PDSS2: variants seen among roughly 807,000 people sequenced by gnomAD.
PDSS2 encodes the protein decaprenyl diphosphate synthase subunit 2.
A neutral mutation model predicts 44.5 loss-of-function variants in PDSS2; 31 were observed. The observed-to-expected ratio is 0.70, with a 90% confidence interval of 0.52 to 0.94. The LOEUF is 0.94. Among genes scored for constraint, PDSS2 ranks in the 40% least tolerant of loss-of-function variants. The pLI, the probability that PDSS2 is intolerant of heterozygous loss-of-function variation, is 0.00. For synonymous variants in PDSS2, 157 were observed against 180.3 expected, an observed-to-expected ratio of 0.87 and a Z score of 1.03; for missense variants, 452 against 482.2, an observed-to-expected ratio of 0.94 and a Z score of 0.59.
At chr6:107,209,903 CCT>C (rs1365470247) in intron 6 of PDSS2, among the ~76,000 whole-genome samples, 1 of 152,090 alleles carries the variant, frequency 6.6e-6, no homozygotes, top group Non-Finnish European at 1.5e-5. Flanking sequence ...AAAAAAGTTC[CCT>C]CTCATCTGCC....
At chr6:107,229,491 C>T (rs1241501953) in intron 4 of PDSS2, among the ~76,000 whole-genome samples, 1 of 152,072 alleles carries the variant, frequency 6.6e-6, no homozygotes, top group Non-Finnish European at 1.5e-5. Context: ...CCTCACTTTT[C>T]CTATTTCTAA....
chr6:107,375,137 G>A (rs1240177644), intron 1 of PDSS2, among the ~76,000 whole-genome samples: 1 of 151,626 alleles, frequency 6.6e-6, no homozygotes, highest in Non-Finnish European at 1.5e-5. Context: ...TATTAGAAAA[G>A]AAAGATTTCA....
intron 1 of PDSS2, among the ~76,000 whole-genome samples, chr6:107,388,313 T>C (rs1779672962): frequency 6.6e-6 from 1 of 152,218 alleles, no homozygotes; most frequent in Non-Finnish European, 1.5e-5. Flanking sequence ...AAAATGTTAA[T>C]AGCCACTTCG....
intron 1 of PDSS2, among the ~76,000 whole-genome samples, chr6:107,439,214 G>A (rs1781443937): frequency 2.0e-5 from 3 of 152,130 alleles, no homozygotes; most frequent in Admixed American, 2.0e-4. Context: ...ATGAATACAG[G>A]TATTGAAACA....
intron 1 of PDSS2, among the ~76,000 whole-genome samples, chr6:107,371,894 T>G (rs1456603391): frequency 6.6e-6 from 1 of 152,242 alleles, no homozygotes; most frequent in East Asian, 1.9e-4. Flanking sequence ...CATGTAATCT[T>G]TATAATCACC....
intron 1 of PDSS2, among the ~76,000 whole-genome samples, chr6:107,390,739 A>G (rs1005027462): frequency 6.6e-6 from 1 of 152,176 alleles, no homozygotes; most frequent in African/African-American, 2.4e-5. Flanking sequence ...CAACTTTTCC[A>G]TAAATCTAAC....
rs369984106 is a variant in PDSS2, at chr6:107,225,430, T to G, written c.703-13148A>C. Among the ~76,000 whole-genome samples, 6 of 151,804 alleles carry G rather than the reference T, an allele frequency of 4.0e-5. No individual in the cohort carries two copies. The East Asian group carries it at 7.8e-4, about 20-fold the overall frequency. On this transcript the variant is annotated intron_variant, in intron 4 of 7. Coordinates refer to ENST00000369037, the MANE Select transcript of PDSS2 (RefSeq NM_020381.4). ...CCTCCCAAAGTGCTGAGATTACAAG[T>G]GTGAGCCACCATGCCTGGCCTTCTT... is the stretch of plus-strand genomic sequence containing the variant.
chr6:107,373,695 A>C (rs896322626), intron 1 of PDSS2, among the ~76,000 whole-genome samples: 1 of 152,138 alleles, frequency 6.6e-6, no homozygotes, highest in African/African-American at 2.4e-5. Context: ...ATGTCCCTCT[A>C]CAAGGACCTG....
At chr6:107,414,260 A>G (rs1026121436) in intron 1 of PDSS2, among the ~76,000 whole-genome samples, 4 of 152,236 alleles carry the variant, frequency 2.6e-5, no homozygotes, top group Admixed American at 6.5e-5. Flanking sequence ...ATTTCAGAGT[A>G]TAACTGTACA....
intron 7 of PDSS2, among the ~76,000 whole-genome samples, chr6:107,156,151 A>G (rs185932349): frequency 1.8e-4 from 27 of 150,992 alleles, no homozygotes; most frequent in African/African-American, 6.1e-4. Flanking sequence ...CAGCCTTCCA[A>G]AATGCTAGGA....
At chr6:107,436,344 AATT>A (rs1781349112) in intron 1 of PDSS2, among the ~76,000 whole-genome samples, 1 of 152,190 alleles carries the variant, frequency 6.6e-6, no homozygotes, top group South Asian at 2.1e-4. Context: ...TCTGAATCCA[AATT>A]ATTATCTAAA....
intron 2 of PDSS2, 105 bp from the exon 3 acceptor site, chr6:107,274,332 C>CTTT: frequency 1.4e-6 from 1 of 712,916 alleles, no homozygotes; most frequent in Non-Finnish European, 2.3e-6. Flanking sequence ...TTGCCCCCCA[C>CTTT]TTTTTTTTTT....
chr6:107,154,574 C>G lies in PDSS2; in HGVS notation c.*45G>C. 6.3e-7 allele frequency: 1 copy of G among 1,594,812 alleles called. No homozygotes were observed. ...AAGCGCTCCCAATCAACCTCATTCC[C>G]TAGGATTTTCAGCTAACTAACAATA... is the stretch of plus-strand genomic sequence containing the variant. On this transcript the variant is annotated 3_prime_UTR_variant, in exon 8 of 8. Coordinates refer to ENST00000369037, the MANE Select transcript of PDSS2 (RefSeq NM_020381.4).
intron 7 of PDSS2, among the ~76,000 whole-genome samples, chr6:107,162,791 G>C (rs1237031457): frequency 6.6e-6 from 1 of 151,762 alleles, no homozygotes; most frequent in African/African-American, 2.4e-5. Context: ...TTTTAGTAGA[G>C]TTGGGGTTTC....
intron 1 of PDSS2, among the ~76,000 whole-genome samples, chr6:107,419,419 T>C (rs1185779880): frequency 6.6e-6 from 1 of 152,310 alleles, no homozygotes; most frequent in African/African-American, 2.4e-5. Flanking sequence ...TTCAGAGATA[T>C]AGTGCTCCAA....
intron 1 of PDSS2, 103 bp downstream of exon 1, chr6:107,458,887 G>A: frequency 1.0e-6 from 1 of 995,700 alleles, no homozygotes; most frequent in Non-Finnish European, 1.6e-6. Context: ...ACTAAAAAGA[G>A]ATAAATCAGG....
chr6:107,394,482 A>T (rs1468692917), intron 1 of PDSS2, among the ~76,000 whole-genome samples: 1 of 152,122 alleles, frequency 6.6e-6, no homozygotes, highest in African/African-American at 2.4e-5. Flanking sequence ...ACCAGCTCTC[A>T]TAAGAACTCA....
chr6:107,241,502 A>G (rs1045758264), intron 4 of PDSS2, among the ~76,000 whole-genome samples: 5 of 150,754 alleles, frequency 3.3e-5, no homozygotes, highest in Non-Finnish European at 7.4e-5. Flanking sequence ...GCCCACCACC[A>G]CGCCCAGCTA....
intron 4 of PDSS2, among the ~76,000 whole-genome samples, chr6:107,214,820 A>T (rs1773358549): frequency 6.6e-6 from 1 of 152,162 alleles, no homozygotes; most frequent in South Asian, 2.1e-4. Flanking sequence ...GTCTTGCTAT[A>T]TTGCCCAGAC....
Sources: gnomAD v4.1 joint callset for allele counts (sites outside exome capture counted in the v4.1 genomes callset) on GRCh38, gnomAD v4.1.1 for gene constraint, MANE v1.5 for transcripts, NCBI Gene and HGNC (gene_info 2026-07-23, HGNC 2026-07-21) for gene names.